Variants in EXOC6 observed in about 807,000 individuals in gnomAD.
EXOC6 encodes SEC15-like 1.
EXOC6 carries 60 observed loss-of-function variants against 112.5 expected under a neutral mutation model. That is an observed-to-expected ratio of 0.53 (90% CI 0.43 to 0.66). EXOC6 has a LOEUF of 0.66. Among genes scored for constraint, EXOC6 ranks in the 30% least tolerant of loss-of-function variants. The probability of loss-of-function intolerance (pLI) is 0.00; values close to 1 mark genes in which losing one functional copy is unlikely to be tolerated. For missense variants in EXOC6, 855 were observed against 957.1 expected (o/e 0.89, Z 1.41); for synonymous variants, 295 against 308.0 (o/e 0.96, Z 0.44).
At chr10:92,985,889 C>G (rs1309179053) in intron 18 of EXOC6, among the ~76,000 whole-genome samples, 3 of 151,940 alleles carry the variant, frequency 2.0e-5, no homozygotes, top group Non-Finnish European at 2.9e-5. Flanking sequence ...TTGAAAAATA[C>G]AAGGATTGCA....
At chr10:93,040,068 A>G (rs576826016) in intron 20 of EXOC6, among the ~76,000 whole-genome samples, 21 of 151,828 alleles carry the variant, frequency 1.4e-4, no homozygotes, top group Admixed American at 5.9e-4. Flanking sequence ...ATCACCATCA[A>G]CCTCTCACTG....
chr10:92,895,996 A>G (rs1849731538), intron 4 of EXOC6, among the ~76,000 whole-genome samples: 1 of 140,720 alleles, frequency 7.1e-6, no homozygotes, highest in Admixed American at 7.3e-5. Context: ...GATGTTTTAT[A>G]TTATATATAT....
intron 17 of EXOC6, among the ~76,000 whole-genome samples, chr10:92,958,050 C>A (rs1203988288): frequency 6.6e-6 from 1 of 152,160 alleles, no homozygotes; most frequent in Non-Finnish European, 1.5e-5. Context: ...TATGCACACA[C>A]AAGCTACCTG....
chr10:92,853,792 C>G (rs571659063), intron 1 of EXOC6, among the ~76,000 whole-genome samples: 4 of 151,856 alleles, frequency 2.6e-5, no homozygotes, highest in African/African-American at 9.7e-5. Flanking sequence ...TACTAGAAAA[C>G]ATAGGAGGAA....
At chr10:92,879,852 G>C (rs1848861189) in intron 1 of EXOC6, among the ~76,000 whole-genome samples, 1 of 152,092 alleles carries the variant, frequency 6.6e-6, no homozygotes, top group South Asian at 2.1e-4. Flanking sequence ...CCTGTGCTGT[G>C]TTGTTTATAC....
intron 1 of EXOC6, among the ~76,000 whole-genome samples, chr10:92,872,550 T>C (rs1237702226): frequency 6.6e-6 from 1 of 152,086 alleles, no homozygotes; most frequent in Admixed American, 6.5e-5. Context: ...ATTTTTCACC[T>C]GATCATTCTT....
intron 1 of EXOC6, among the ~76,000 whole-genome samples, chr10:92,860,567 A>G (rs567303520): frequency 6.6e-6 from 1 of 152,214 alleles, no homozygotes; most frequent in South Asian, 2.1e-4. Context: ...GGCTCTCCAC[A>G]ACTGTTTTAT....
At chr10:92,996,394 G>T (rs1322137784) in intron 18 of EXOC6, among the ~76,000 whole-genome samples, 1 of 152,118 alleles carries the variant, frequency 6.6e-6, no homozygotes, top group Non-Finnish European at 1.5e-5. Context: ...GCCAAGGCGG[G>T]CGGATCACAA....
intron 20 of EXOC6, among the ~76,000 whole-genome samples, chr10:93,050,783 A>AAAAAAAAAAAAAAAAT: frequency 6.7e-6 from 1 of 149,302 alleles, no homozygotes; most frequent in Non-Finnish European, 1.5e-5. Flanking sequence ...AAAAAAAAAG[A>AAAAAAAAAAAAAAAAT]ATTGCTTGAA....
chr10:93,002,470 T>C (rs1186926632), intron 19 of EXOC6, among the ~76,000 whole-genome samples: 1 of 151,976 alleles, frequency 6.6e-6, no homozygotes, highest in Non-Finnish European at 1.5e-5. Context: ...TTGTTAGAAA[T>C]GCAAATCTTG....
chr10:92,905,117 T>G (rs1218741394), intron 5 of EXOC6, among the ~76,000 whole-genome samples: 1 of 152,104 alleles, frequency 6.6e-6, no homozygotes, highest in African/African-American at 2.4e-5. Context: ...TGCTTTCTGT[T>G]TCATTTTAAC....
At chr10:92,880,321 C>T (rs548789117) in intron 1 of EXOC6, among the ~76,000 whole-genome samples, 5 of 152,250 alleles carry the variant, frequency 3.3e-5, no homozygotes, top group African/African-American at 1.2e-4. Flanking sequence ...AAAGTCCATG[C>T]ATGTTTAGTA....
chr10:92,881,717 A>AATT (rs1848973202), intron 1 of EXOC6, among the ~76,000 whole-genome samples: 1 of 152,058 alleles, frequency 6.6e-6, no homozygotes, highest in South Asian at 2.1e-4. Flanking sequence ...TCTCTTCTTA[A>AATT]ATTATAGTTC....
intron 18 of EXOC6, among the ~76,000 whole-genome samples, chr10:92,989,878 A>G (rs189983048): frequency 3.3e-4 from 51 of 152,288 alleles, no homozygotes; most frequent in Non-Finnish European, 5.9e-4. Context: ...AATATCGAGT[A>G]TTTTCAAAAA....
intron 18 of EXOC6, among the ~76,000 whole-genome samples, chr10:92,988,135 A>T (rs1030210882): frequency 1.3e-5 from 2 of 152,210 alleles, no homozygotes; most frequent in Non-Finnish European, 1.5e-5. Flanking sequence ...TAGAAGTCTA[A>T]CCCAGTGCAT....
chr10:92,828,982 T>A (rs1325471788), intron 1 of EXOC6, among the ~76,000 whole-genome samples: 1 of 152,084 alleles, frequency 6.6e-6, no homozygotes, highest in African/African-American at 2.4e-5. Flanking sequence ...CATTTTCTTT[T>A]CTAACAAAGA....
At chr10:92,830,719 C>A (rs769701907), upstream of EXOC6, among the ~76,000 whole-genome samples, 2 of 152,136 alleles carry the variant, frequency 1.3e-5, no homozygotes, top group African/African-American at 2.4e-5. Flanking sequence ...AGCAGGGGAC[C>A]CACAAGATCA....
chr10:92,991,010 G>A (rs558859635), intron 18 of EXOC6, among the ~76,000 whole-genome samples: 23 of 152,070 alleles, frequency 1.5e-4, no homozygotes, highest in Non-Finnish European at 3.1e-4. Context: ...ATAATAGTCT[G>A]CCACCTACAT....
At chr10:92,926,370 T>A (rs1851721777) in intron 8 of EXOC6, among the ~76,000 whole-genome samples, 1 of 151,942 alleles carries the variant, frequency 6.6e-6, no homozygotes, top group Non-Finnish European at 1.5e-5. Flanking sequence ...ATAAATTCTG[T>A]AAGGATAATG....
Sources: allele counts gnomAD v4.1 joint callset (sites outside exome capture counted in the v4.1 genomes callset), GRCh38; gene constraint gnomAD v4.1.1; transcripts MANE v1.5; gene names NCBI Gene and HGNC (gene_info 2026-07-23, HGNC 2026-07-21).